Variants in C12orf42 observed in about 807,000 individuals in gnomAD.
The protein encoded by C12orf42 is chromosome 12 open reading frame 42.
A neutral mutation model predicts 21.6 loss-of-function variants in C12orf42; 25 were observed. The observed-to-expected ratio is 1.16, with a 90% CI of 0.84 to 1.62. The LOEUF (loss-of-function observed/expected upper bound fraction) is 1.62, where lower values mean the gene tolerates loss of function less well. C12orf42 is among the 40% of genes most tolerant of loss of function. The probability of loss-of-function intolerance (pLI) is 0.00; values close to 1 mark genes in which losing one functional copy is unlikely to be tolerated. For synonymous variants in C12orf42, 174 were observed against 175.0 expected (o/e 0.99, Z 0.05); for missense variants, 483 against 459.3 (o/e 1.05, Z -0.47).
chr12:103,538,688 G>A, the C12orf42 span, among the ~76,000 whole-genome samples: 1 of 152,314 alleles, frequency 6.6e-6, no homozygotes, highest in Non-Finnish European at 1.5e-5. Flanking sequence ...TGGATAAACT[G>A]TTTTTCTGAA....
intron 2 of C12orf42, among the ~76,000 whole-genome samples, chr12:103,458,304 G>T (rs1345574878): frequency 6.6e-6 from 1 of 151,850 alleles, no homozygotes; most frequent in Non-Finnish European, 1.5e-5. Context: ...TCTGAAACTA[G>T]GAGATTTGTA....
At chr12:103,343,774 C>CAAAAAA (rs397747722) in intron 4 of C12orf42, among the ~76,000 whole-genome samples, 1 of 62,786 alleles carries the variant, frequency 1.6e-5, no homozygotes, top group Non-Finnish European at 3.6e-5. Context: ...AACTCTGTCA[C>CAAAAAA]AAAAAAAAAA....
chr12:103,136,720 A>G, the C12orf42 span, among the ~76,000 whole-genome samples: 2 of 152,202 alleles, frequency 1.3e-5, no homozygotes, highest in Non-Finnish European at 2.9e-5. Flanking sequence ...ATCCAGAAAC[A>G]AATCCATATG....
At chr12:103,303,204 G>A (rs10860981) in intron 5 of C12orf42, among the ~76,000 whole-genome samples, 12,590 of 152,032 alleles carry the variant, frequency 0.083, 523 homozygotes, top group East Asian at 0.18. Context: ...TACAAAAGAT[G>A]TGTTTTTTTA....
intron 1 of C12orf42, among the ~76,000 whole-genome samples, chr12:103,486,122 G>A (rs1044470175): frequency 3.9e-5 from 6 of 152,056 alleles, no homozygotes; most frequent in Non-Finnish European, 8.8e-5. Flanking sequence ...TCATAGATAG[G>A]TCTTATTATT....
At chr12:103,501,038 G>C in the C12orf42 span, among the ~76,000 whole-genome samples, 1 of 152,346 alleles carries the variant, frequency 6.6e-6, no homozygotes, top group Non-Finnish European at 1.5e-5. Flanking sequence ...AGTTGGCTTT[G>C]TGATCCAAGA....
the C12orf42 span, among the ~76,000 whole-genome samples, chr12:103,508,800 A>C: frequency 6.6e-6 from 1 of 152,202 alleles, no homozygotes; most frequent in Admixed American, 6.5e-5. Context: ...GCCACTTGCC[A>C]ACTGTGACCT....
intron 4 of C12orf42, among the ~76,000 whole-genome samples, chr12:103,312,699 C>A (rs2039083970): frequency 6.6e-6 from 1 of 152,166 alleles, no homozygotes; most frequent in African/African-American, 2.4e-5. Flanking sequence ...TTTACCAGTT[C>A]TTTTAATGTG....
At chr12:103,299,449 T>A, downstream of C12orf42, among the ~76,000 whole-genome samples, 1 of 152,082 alleles carries the variant, frequency 6.6e-6, no homozygotes, top group East Asian at 1.9e-4. Context: ...TGCACCAAAT[T>A]TTTATATTTC....
chr12:103,197,275 A>G, the C12orf42 span, among the ~76,000 whole-genome samples: 9 of 152,184 alleles, frequency 5.9e-5, no homozygotes, highest in African/African-American at 2.2e-4. Flanking sequence ...AGTTTCTGCT[A>G]AAAGTTCTGA....
chr12:103,533,856 G>T, the C12orf42 span, among the ~76,000 whole-genome samples: 26 of 152,186 alleles, frequency 1.7e-4, no homozygotes, highest in African/African-American at 6.3e-4. Context: ...GAAATGCTTT[G>T]TGTGGAGTCA....
chr12:103,358,288 A>G (rs2043765568), intron 4 of C12orf42, among the ~76,000 whole-genome samples: 1 of 152,138 alleles, frequency 6.6e-6, no homozygotes, highest in African/African-American at 2.4e-5. Context: ...CAAGAGACCA[A>G]TGAATTATCA....
chr12:103,412,768 TAAG>T (rs2048961721), intron 2 of C12orf42, among the ~76,000 whole-genome samples: 1 of 152,226 alleles, frequency 6.6e-6, no homozygotes, highest in African/African-American at 2.4e-5. Context: ...TGTCTTCTTT[TAAG>T]AAGTATTTGT....
chr12:103,148,482 C>A, the C12orf42 span, among the ~76,000 whole-genome samples: 1 of 151,968 alleles, frequency 6.6e-6, no homozygotes, highest in Non-Finnish European at 1.5e-5. Flanking sequence ...GTTAGACTTA[C>A]ATCATGATGG....
At chr12:103,512,896 G>A in the C12orf42 span, among the ~76,000 whole-genome samples, 2 of 152,062 alleles carry the variant, frequency 1.3e-5, no homozygotes, top group Non-Finnish European at 2.9e-5. Flanking sequence ...CAGCTACCCT[G>A]GAGGCTGAGG....
intron 4 of C12orf42, among the ~76,000 whole-genome samples, chr12:103,282,406 G>A (rs1218843786): frequency 6.6e-6 from 1 of 152,132 alleles, no homozygotes; most frequent in African/African-American, 2.4e-5. Context: ...TTTTTACTGT[G>A]CCTTTTCTAT....
chr12:103,357,862 A>G (rs1253594302), intron 4 of C12orf42, among the ~76,000 whole-genome samples: 2 of 152,116 alleles, frequency 1.3e-5, no homozygotes, highest in South Asian at 2.1e-4. Context: ...GCTGTTATCA[A>G]TTAGTGTTTG....
the C12orf42 span, among the ~76,000 whole-genome samples, chr12:103,132,560 A>G: frequency 7.0e-3 from 1,063 of 152,226 alleles, 14 homozygotes; most frequent in Non-Finnish European, 6.1e-3. Context: ...GCAAGAGGCT[A>G]TATTGAGATC....
chr12:103,361,294 A>T (rs946332140), intron 4 of C12orf42, among the ~76,000 whole-genome samples: 11 of 152,086 alleles, frequency 7.2e-5, no homozygotes, highest in African/African-American at 2.7e-4. Flanking sequence ...AGGGAAAAGG[A>T]TTTGACCTTA....
Sources: gnomAD v4.1 joint callset for allele counts (sites outside exome capture counted in the v4.1 genomes callset) on GRCh38, gnomAD v4.1.1 for gene constraint, MANE v1.5 for transcripts, NCBI Gene and HGNC (gene_info 2026-07-23, HGNC 2026-07-21) for gene names.